Variants in MAP4K4 observed in about 807,000 individuals in gnomAD.
MAP4K4 encodes mitogen-activated protein kinase kinase kinase kinase 4.
Under a neutral mutation model 189.6 loss-of-function variants are expected in MAP4K4, and 38 were observed. That is an observed-to-expected ratio of 0.20 (90% CI 0.15 to 0.26). MAP4K4 has a LOEUF of 0.26. Among genes scored for constraint, MAP4K4 ranks in the 10% least tolerant of loss-of-function variants. The pLI is 1.00. For synonymous variants in MAP4K4, 610 were observed against 624.3 expected, an observed-to-expected ratio of 0.98 and a Z score of 0.34; for missense variants, 1,054 against 1,726.9, an observed-to-expected ratio of 0.61 and a Z score of 6.91.
intron 2 of MAP4K4, among the ~76,000 whole-genome samples, chr2:101,774,849 T>A (rs569944599): frequency 1.3e-5 from 2 of 152,214 alleles, no homozygotes; most frequent in African/African-American, 4.8e-5. Flanking sequence ...CTGAAGAGAC[T>A]TGCGCTCCTA....
At chr2:101,882,369 A>G (rs945441152) in intron 27 of MAP4K4, among the ~76,000 whole-genome samples, 182 bp from the exon 28 acceptor site, 4 of 152,042 alleles carry the variant, frequency 2.6e-5, no homozygotes, top group African/African-American at 7.3e-5. Context: ...GTTTTTTTAC[A>G]TATTCTGGAT....
chr2:101,815,535 C>T (rs1480921310), intron 3 of MAP4K4, among the ~76,000 whole-genome samples: 1 of 152,122 alleles, frequency 6.6e-6, no homozygotes. Flanking sequence ...CCCCCTCTCT[C>T]ATATGTGTAT....
chr2:101,792,974 A>G (rs2093176864), intron 3 of MAP4K4, among the ~76,000 whole-genome samples: 1 of 152,082 alleles, frequency 6.6e-6, no homozygotes, highest in South Asian at 2.1e-4. Flanking sequence ...GCTTCAGTGT[A>G]TTTCCTTTCA....
chr2:101,827,644 G>C (rs1248696824), intron 5 of MAP4K4, among the ~76,000 whole-genome samples: 1 of 152,214 alleles, frequency 6.6e-6, no homozygotes, highest in South Asian at 2.1e-4. Flanking sequence ...TCAGCCAATA[G>C]AGAAGTGCTT....
At chr2:101,802,331 A>G (rs1040153575) in intron 3 of MAP4K4, among the ~76,000 whole-genome samples, 1 of 152,164 alleles carries the variant, frequency 6.6e-6, no homozygotes, top group African/African-American at 2.4e-5. Flanking sequence ...CAGCTGACTG[A>G]AGCTTGGGAA....
intron 2 of MAP4K4, among the ~76,000 whole-genome samples, chr2:101,731,296 T>C (rs1468969323): frequency 1.3e-5 from 2 of 151,502 alleles, no homozygotes; most frequent in Admixed American, 6.6e-5. Context: ...TTTGTATTTT[T>C]AGTAGAGATG....
At position 101,842,796 on chromosome 2, in the gene MAP4K4, G is replaced by A. The variant is rs545887190; in HGVS notation, c.1022+115G>A. ...CAAAGAATCTTAAATTACTTAGACA[G>A]CATCTTACTATCTCCATTCTTCTCT... On this transcript the variant is annotated intron_variant, in intron 11 of 32. Coordinates refer to ENST00000324219, the Ensembl canonical transcript of MAP4K4. 1.2e-3 allele frequency: 791 copies of A among 664,288 alleles called. 12 individuals are homozygous for A. The highest frequency in any genetic ancestry group is 7.0e-4 in the South Asian group (28 of 39,912). 41.1% of individuals were successfully genotyped at this position (664,288 alleles called of 1,614,324 possible).
intron 2 of MAP4K4, among the ~76,000 whole-genome samples, chr2:101,755,150 A>G (rs2071646537): frequency 6.6e-6 from 1 of 152,000 alleles, no homozygotes; most frequent in Non-Finnish European, 1.5e-5. Flanking sequence ...ATACTTAAAA[A>G]AAAAATTAGT....
Position 101,892,031 on chromosome 2 carries a change from AAAAG to A in MAP4K4, c.*786_*789del, listed in dbSNP as rs966454178. 30 of 152,276 alleles carry A rather than the reference AAAAG, an allele frequency of 2.0e-4. No homozygotes were observed. In the East Asian group the frequency reaches 5.0e-3, roughly 25 times the overall value. 9.4% of individuals were successfully genotyped at this position (152,276 alleles called of 1,614,324 possible). A position where few individuals can be genotyped will look rare whatever the true frequency, so the allele number is the denominator to read the frequency against. Reference sequence around the variant, plus strand: ...AAAAAAAAAAGGAAAAAAAAAAAGAAAAAGAAAACGTGTGCATTTTGTATAATGG... The same window carrying A: ...AAAAAAAAAAGGAAAAAAAAAAAGAAAAAACGTGTGCATTTTGTATAATGG... On this transcript the variant is annotated 3_prime_UTR_variant, in exon 33 of 33. Transcript: ENST00000324219.
chr2:101,708,952 G>A (rs1340180912), intron 2 of MAP4K4, among the ~76,000 whole-genome samples: 1 of 152,130 alleles, frequency 6.6e-6, no homozygotes, highest in Non-Finnish European at 1.5e-5. Context: ...TTAGGCTATG[G>A]TTGTACCACA....
chr2:101,867,738 G>T lies in MAP4K4; in HGVS notation c.2455-291G>T, dbSNP rs565864870. On this transcript the variant is annotated intron_variant, in intron 20 of 32. Transcript: ENST00000324219. ...TTTACAATACTGGCTTTTAGACTAA[G>T]TTTTTAAAAATCACCTTCTTAAACT... 1.1e-5 allele frequency: 5 copies of T among 435,030 alleles called. No homozygotes were observed. The South Asian group carries it at 2.2e-4, about 19-fold the overall frequency. The allele number at this position is 435,030 out of a possible 1,614,324, so 26.9% of individuals were successfully genotyped here.
intron 3 of MAP4K4, among the ~76,000 whole-genome samples, chr2:101,798,884 A>G (rs1282052331): frequency 3.3e-5 from 5 of 152,198 alleles, no homozygotes; most frequent in African/African-American, 1.2e-4. Flanking sequence ...TTTACATTTT[A>G]GATGCTAACA....
At chr2:101,713,730 AC>A (rs1244623500) in intron 2 of MAP4K4, among the ~76,000 whole-genome samples, 33 of 151,634 alleles carry the variant, frequency 2.2e-4, no homozygotes, top group African/African-American at 7.7e-4. Flanking sequence ...CCCCGTCTCT[AC>A]TAAAAATACA....
At chr2:101,720,532 G>A (rs1238843410) in intron 2 of MAP4K4, among the ~76,000 whole-genome samples, 1 of 152,038 alleles carries the variant, frequency 6.6e-6, no homozygotes, top group Admixed American at 6.5e-5. Context: ...TGAGGTGGAG[G>A]GACTGACTGG....
chr2:101,762,110 G>C (rs949650809), intron 2 of MAP4K4, among the ~76,000 whole-genome samples: 3 of 152,190 alleles, frequency 2.0e-5, no homozygotes, highest in Non-Finnish European at 4.4e-5. Context: ...GGATTAGAAG[G>C]TATATGGGTG....
chr2:101,756,930 A>C (rs188410669), intron 2 of MAP4K4, among the ~76,000 whole-genome samples: 145 of 152,246 alleles, frequency 9.5e-4, no homozygotes, highest in African/African-American at 3.4e-3. Flanking sequence ...CTCTGCTATG[A>C]AAAGGTTTCA....
intron 2 of MAP4K4, among the ~76,000 whole-genome samples, chr2:101,775,756 C>T (rs1230083733): frequency 6.6e-6 from 1 of 152,186 alleles, no homozygotes; most frequent in Non-Finnish European, 1.5e-5. Flanking sequence ...CACCTGGTTT[C>T]CTGGAGTACT....
At chr2:101,879,907 G>A (rs887372619) in intron 27 of MAP4K4, among the ~76,000 whole-genome samples, 2 of 151,656 alleles carry the variant, frequency 1.3e-5, no homozygotes, top group Non-Finnish European at 2.9e-5. Context: ...TTCTGAAGGG[G>A]TGTAGGAATT....
intron 2 of MAP4K4, among the ~76,000 whole-genome samples, chr2:101,737,765 T>C (rs2061054328): frequency 6.6e-6 from 1 of 152,024 alleles, no homozygotes; most frequent in Non-Finnish European, 1.5e-5. Context: ...TGTCAATTTC[T>C]GGTTACTCAT....
Sources: gnomAD v4.1 joint callset for allele counts (sites outside exome capture counted in the v4.1 genomes callset) on GRCh38, gnomAD v4.1.1 for gene constraint, MANE v1.5 for transcripts, NCBI Gene and HGNC (gene_info 2026-07-23, HGNC 2026-07-21) for gene names.